The following SLC2A5 variants were observed in gnomAD, a reference collection of about 807,000 sequenced individuals.
The protein encoded by SLC2A5 is solute carrier family 2, facilitated glucose transporter member 5.
Under a neutral mutation model 50.3 loss-of-function variants are expected in SLC2A5, and 56 were observed. The ratio of observed to expected loss-of-function variants is 1.11; its 90% CI spans 0.90 to 1.39. The LOEUF (loss-of-function observed/expected upper bound fraction) is 1.39. Among genes scored for constraint, SLC2A5 ranks in the 40% most tolerant of loss-of-function variants. The pLI is 0.00. For synonymous variants in SLC2A5, 269 were observed against 281.9 expected (o/e 0.95, Z 0.46); for missense variants, 566 against 650.1 (o/e 0.87, Z 1.41).
At chr1:9,084,501 G>A (rs1642385074) in intron 2 of SLC2A5, among the ~76,000 whole-genome samples, 1 of 152,212 alleles carries the variant, frequency 6.6e-6, no homozygotes, top group Non-Finnish European at 1.5e-5. Context: ...TCCCACTGGC[G>A]TTTGGGGACC....
rs565311481 is a variant in SLC2A5 at position 9,055,741 on chromosome 1, C to A, written c.293+1707G>T. On this transcript the variant is annotated intron_variant, in intron 3 of 11. Coordinates refer to ENST00000377424, the MANE Select transcript of SLC2A5 (RefSeq NM_003039.3). ...GACCAGCCTGGCCAATATGGTGAAA[C>A]CCTGTCTCTACTAAAAATACAAAGA... Among the ~76,000 whole-genome samples, 256 of 151,890 alleles carry A rather than the reference C, an allele frequency of 1.7e-3. 2 individuals are homozygous for A. Among genetic ancestry groups the A allele is most frequent in the African/African-American group, 6.0e-3 (247 of 41,412 alleles).
upstream of SLC2A5, among the ~76,000 whole-genome samples, chr1:9,073,986 G>A (rs575323651): frequency 2.6e-5 from 4 of 152,016 alleles, no homozygotes; most frequent in Admixed American, 6.5e-5. Context: ...AGGCTAAGGC[G>A]GGAGAATCGC....
chr1:9,061,648 C>T (rs530980961), intron 1 of SLC2A5, among the ~76,000 whole-genome samples: 1 of 151,700 alleles, frequency 6.6e-6, no homozygotes, highest in Non-Finnish European at 1.5e-5. Context: ...CTCAGTAAGA[C>T]GAAAGTGCAA....
intron 4 of SLC2A5, among the ~76,000 whole-genome samples, chr1:9,042,256 G>A (rs1245130552): frequency 2.6e-5 from 4 of 152,070 alleles, no homozygotes; most frequent in Non-Finnish European, 4.4e-5. Context: ...AGGAGGGTCT[G>A]TTTCATAAAA....
intron 3 of SLC2A5, among the ~76,000 whole-genome samples, chr1:9,051,240 G>A (rs969759201): frequency 6.7e-6 from 1 of 149,098 alleles, no homozygotes; most frequent in South Asian, 2.1e-4. Context: ...AGGAAGGAAG[G>A]AATGAAGGAA....
chr1:9,038,029 A>AT lies in SLC2A5; in HGVS notation c.1175-6_1175-5insA. 2 of 1,613,508 alleles carry AT rather than the reference A, an allele frequency of 1.2e-6. No homozygotes were observed. Among genetic ancestry groups the AT allele is most frequent in the Non-Finnish European group, 1.7e-6 (2 of 1,179,902 alleles). On this transcript the variant is annotated splice_region_variant and splice_polypyrimidine_tract_variant and intron_variant, in intron 10 of 11. Transcript: ENST00000377424. ...TGAGCAGCGCGGGTATGGGACCTGT[A>AT]GGGGGAGGAGAGCAGCCTCCCTGAA...
At chr1:9,067,021 G>C (rs536635731) in intron 1 of SLC2A5, among the ~76,000 whole-genome samples, 3 of 151,014 alleles carry the variant, frequency 2.0e-5, no homozygotes, top group East Asian at 3.9e-4. Flanking sequence ...AAAAAGAAGA[G>C]AAAAGGCCAG....
intron 2 of SLC2A5, among the ~76,000 whole-genome samples, chr1:9,077,774 A>AGAGAGGGAGGGAGGGG (rs1642308322): frequency 1.1e-5 from 1 of 88,212 alleles, no homozygotes; most frequent in African/African-American, 4.5e-5. Context: ...GGAGGGAGGG[A>AGAGAGGGAGGGAGGGG]GGGAAAGAAG....
intron 1 of SLC2A5, among the ~76,000 whole-genome samples, chr1:9,067,167 G>T (rs958771322): frequency 1.1e-4 from 17 of 152,012 alleles, no homozygotes; most frequent in Non-Finnish European, 1.0e-4. Flanking sequence ...CTCCCCTCTC[G>T]GCTGCACTTA....
chr1:9,060,095 A>T (rs1204744077), intron 1 of SLC2A5, among the ~76,000 whole-genome samples: 5 of 131,204 alleles, frequency 3.8e-5, no homozygotes, highest in Non-Finnish European at 3.2e-5. Flanking sequence ...CTACACACAC[A>T]ACACACACAA....
rs754656218 is a variant in SLC2A5, at chr1:9,047,625, C to G, written c.403G>C (p.Val135Leu). The change falls in exon 4 of 12, where the codon GTG (valine) becomes CTG (leucine). Residue 135 changes from valine to leucine, a missense_variant. Physicochemically the swap from Val to Leu is conservative, Grantham distance 32 (BLOSUM62 1). Coordinates refer to ENST00000377424, the MANE Select transcript of SLC2A5 (RefSeq NM_003039.3). ...FELIIISRLL[V>L]GICAGVSSNV... is the part of the protein sequence containing the mutation. ...CATTGTTTACCTGCACATATTCCCA[C>G]CAAAAGTCTGGAAATAATGATAAGC... The G allele has an allele frequency of 8.4e-5, 136 of 1,613,782 alleles. No individual in the cohort carries two copies. The South Asian group carries it at 1.4e-3, about 17-fold the overall frequency.
In SLC2A5 at chr1:9,058,307, C is replaced by T. The variant is rs1641817162; in HGVS notation, c.34-57G>A. ...GCCCCAGGGTTCCAGGGCCCTCCCG[C>T]TTTACTTCGGTTTCGTAGAAAGATG... On this transcript the variant is annotated intron_variant, in intron 1 of 11. Transcript: ENST00000377424. 2.5e-6 allele frequency: 3 copies of T among 1,200,388 alleles called. No homozygotes were observed. In the Admixed American group the frequency reaches 5.2e-5, roughly 21 times the overall value. 74.4% of individuals were successfully genotyped at this position (1,200,388 alleles called of 1,614,324 possible). A position where few individuals can be genotyped will look rare whatever the true frequency, so the allele number is the denominator to read the frequency against.
intron 3 of SLC2A5, among the ~76,000 whole-genome samples, chr1:9,048,784 T>A (rs929518960): frequency 1.3e-5 from 2 of 151,964 alleles, no homozygotes; most frequent in Non-Finnish European, 2.9e-5. Context: ...GCCTTCCAAG[T>A]AGCTAGGATT....
upstream of SLC2A5, among the ~76,000 whole-genome samples, chr1:9,074,469 G>A (rs1642258975): frequency 6.6e-6 from 1 of 152,126 alleles, no homozygotes; most frequent in African/African-American, 2.4e-5. Context: ...GCAATTACAT[G>A]TCTGTCTCTT....
In SLC2A5 at chr1:9,040,386, C is replaced by G. The variant is rs1641268932; in HGVS notation, c.572-197G>C. Reference sequence around the variant, plus strand: ...TGCAGCAGGGATCAGCAGCGACGCACCCCTGCGCCCATCAGACAGACCACA... The same window carrying G: ...TGCAGCAGGGATCAGCAGCGACGCAGCCCTGCGCCCATCAGACAGACCACA... On this transcript the variant is annotated intron_variant, in intron 5 of 11. Coordinates refer to ENST00000377424, the MANE Select transcript of SLC2A5 (RefSeq NM_003039.3). This position sits in a 1 kb window ranked among gnomAD's most constrained non-coding sequence, Gnocchi z 4.3. The G allele has an allele frequency of 1.6e-6, 1 of 634,228 alleles. No individual in the cohort carries two copies. Among genetic ancestry groups the G allele is most frequent in the Non-Finnish European group, 2.7e-6 (1 of 372,950 alleles). The allele number at this position is 634,228 out of a possible 1,614,324, so 39.3% of individuals were successfully genotyped here. A position where few individuals can be genotyped will look rare whatever the true frequency, so the allele number is the denominator to read the frequency against.
In SLC2A5 at chr1:9,041,801, G is replaced by T; in HGVS notation, c.555C>A (p.Leu185=). ...TGAACTCACCATCTACGTTTGCAAG[G>T]AGATTCCGAAGACCAAAGATCTGGG... ...LVAQIFGLRN[L]LANVDGWPIL... The change falls in exon 5 of 12, where the codon CTC becomes CTA. Residue 185 remains leucine (L), a synonymous_variant. Coordinates refer to ENST00000377424, the MANE Select transcript of SLC2A5 (RefSeq NM_003039.3). 6.2e-7 allele frequency: 1 copy of T among 1,614,088 alleles called. No homozygotes were observed. Among genetic ancestry groups the T allele is most frequent in the Non-Finnish European group, 8.5e-7 (1 of 1,180,012 alleles).
rs12075583 is a variant in SLC2A5, at chr1:9,039,976, G to C, written c.709C>G (p.Leu237Val). The C allele has an allele frequency of 6.2e-7, 1 of 1,610,896 alleles. No individual in the cohort carries two copies. The highest frequency in any genetic ancestry group is 1.1e-5 in the South Asian group (1 of 90,878). ...CTGTCCACAGAGTCCCAGCCGCGCA[G>C]CGTCTGTAGGGCTGGGGAGAAGCGG... ...EAAAKKALQT[L>V]RGWDSVDREV... Residue 237 changes from leucine (L) to valine (V), a missense_variant, in exon 7 of 12, where the codon CTG (leucine) becomes GTG (valine). Physicochemically the swap from Leu to Val is conservative, Grantham distance 32. Transcript: ENST00000377424.
chr1:9,075,521 C>T (rs1390094322), intron 2 of SLC2A5, among the ~76,000 whole-genome samples: 1 of 152,170 alleles, frequency 6.6e-6, no homozygotes, highest in African/African-American at 2.4e-5. Flanking sequence ...CTTTTACTCC[C>T]GTGCCACTGG....
At chr1:9,059,132 CTTTCTTTTTTTTTTTT>C (rs1641835861) in intron 1 of SLC2A5, among the ~76,000 whole-genome samples, 3 of 80,362 alleles carry the variant, frequency 3.7e-5, no homozygotes, top group African/African-American at 5.6e-5. Flanking sequence ...AGCCGCCTTT[CTTTCTTTTTTTTTTTT>C]TTTTTTTTTT....
Sources: allele counts gnomAD v4.1 joint callset (sites outside exome capture counted in the v4.1 genomes callset), GRCh38; gene constraint gnomAD v4.1.1; non-coding constraint Gnocchi (gnomAD v3.1); transcripts MANE v1.5; gene names NCBI Gene and HGNC (gene_info 2026-07-23, HGNC 2026-07-21).